L3MBTL4: variants seen among roughly 807,000 people sequenced by gnomAD.
The protein encoded by L3MBTL4 is lethal(3)malignant brain tumor-like protein 4.
Under a neutral mutation model 84.5 loss-of-function variants are expected in L3MBTL4, and 70 were observed. That is an observed-to-expected ratio of 0.83 (90% CI 0.68 to 1.01). The LOEUF is 1.01. Among genes scored for constraint, L3MBTL4 ranks in the 50% least tolerant of loss-of-function variants. The pLI is 0.00. For missense variants in L3MBTL4, 715 were observed against 754.8 expected (o/e 0.95, Z 0.62); for synonymous variants, 274 against 259.8 (o/e 1.05, Z -0.52).
chr18:6,000,169 A>T (rs1041355330), intron 16 of L3MBTL4, among the ~76,000 whole-genome samples: 2 of 152,204 alleles, frequency 1.3e-5, no homozygotes, highest in African/African-American at 4.8e-5. Flanking sequence ...TGTGAATGAG[A>T]CCAGTAAAAT....
chr18:6,112,088 T>A (rs1458288617), intron 14 of L3MBTL4, among the ~76,000 whole-genome samples: 4 of 152,114 alleles, frequency 2.6e-5, no homozygotes, highest in Non-Finnish European at 5.9e-5. Context: ...CTAAATAAAT[T>A]TTATTAGGTG....
chr18:5,984,857 T>A (rs536927129), intron 16 of L3MBTL4, among the ~76,000 whole-genome samples: 18 of 152,250 alleles, frequency 1.2e-4, no homozygotes, highest in Non-Finnish European at 1.9e-4. Flanking sequence ...GAAGGGAAAA[T>A]TTTTATAGGT....
rs1017995737 is a variant in L3MBTL4 at position 6,238,807 on chromosome 18, G to C, written c.708-767C>G. 3.3e-5 allele frequency among the ~76,000 whole-genome samples: 5 copies of C among 152,016 alleles called. No homozygotes were observed. The East Asian group carries it at 9.7e-4, about 29-fold the overall frequency. Reference sequence around the variant, plus strand: ...TCAAAGGAGAAGACAGGGCCCATCAGGCACATAAAGAACCACTGCCTCAGG... The same window carrying C: ...TCAAAGGAGAAGACAGGGCCCATCACGCACATAAAGAACCACTGCCTCAGG... On this transcript the variant is annotated intron_variant, in intron 9 of 18. Transcript: ENST00000317931.
chr18:6,246,912 A>G (rs915551674), intron 5 of L3MBTL4, among the ~76,000 whole-genome samples: 1 of 152,192 alleles, frequency 6.6e-6, no homozygotes, highest in East Asian at 1.9e-4. Context: ...TAAAAAAAAA[A>G]AAATTATTCC....
intron 12 of L3MBTL4, among the ~76,000 whole-genome samples, chr18:6,195,405 C>T (rs2045330301): frequency 6.6e-6 from 1 of 152,178 alleles, no homozygotes; most frequent in African/African-American, 2.4e-5. Flanking sequence ...TGATTACTTG[C>T]CTGTAACTGC....
At chr18:6,287,121 A>G (rs2049629921) in intron 4 of L3MBTL4, among the ~76,000 whole-genome samples, 1 of 152,170 alleles carries the variant, frequency 6.6e-6, no homozygotes, top group Admixed American at 6.5e-5. Flanking sequence ...TGTATTTGGC[A>G]TTAAACTGAA....
chr18:6,408,923 C>G (rs987248739), intron 1 of L3MBTL4, among the ~76,000 whole-genome samples: 1 of 152,242 alleles, frequency 6.6e-6, no homozygotes, highest in South Asian at 2.1e-4. Context: ...GCAATCCACC[C>G]TCCTCGGCCT....
At chr18:6,208,954 TA>T (rs2045983689) in intron 12 of L3MBTL4, among the ~76,000 whole-genome samples, 1 of 152,164 alleles carries the variant, frequency 6.6e-6, no homozygotes, top group South Asian at 2.1e-4. Flanking sequence ...CTGACCTGAC[TA>T]GTTTAAGTGG....
At chr18:6,012,774 A>G (rs2054795931) in intron 16 of L3MBTL4, among the ~76,000 whole-genome samples, 1 of 152,168 alleles carries the variant, frequency 6.6e-6, no homozygotes, top group African/African-American at 2.4e-5. Context: ...CCCTGTCTCT[A>G]AGAAACAAAC....
intron 18 of L3MBTL4, among the ~76,000 whole-genome samples, chr18:5,957,354 T>C (rs1214868833): frequency 2.6e-5 from 4 of 152,230 alleles, no homozygotes; most frequent in Non-Finnish European, 5.9e-5. Context: ...TTATACACTT[T>C]GAATGTATTC....
chr18:5,988,555 C>G (rs1268094403), intron 16 of L3MBTL4, among the ~76,000 whole-genome samples: 2 of 151,966 alleles, frequency 1.3e-5, no homozygotes, highest in Non-Finnish European at 2.9e-5. Context: ...CTCTTTTTTT[C>G]TGTAGATAAG....
intron 12 of L3MBTL4, among the ~76,000 whole-genome samples, chr18:6,204,262 G>A (rs2045775050): frequency 6.6e-6 from 1 of 152,218 alleles, no homozygotes. Flanking sequence ...AAGAACTCAA[G>A]GACACACACA....
At chr18:6,073,461 G>A (rs917698434) in intron 16 of L3MBTL4, among the ~76,000 whole-genome samples, 40 of 151,916 alleles carry the variant, frequency 2.6e-4, no homozygotes, top group African/African-American at 9.7e-4. Flanking sequence ...TTTCCTGTCT[G>A]TGAATTCATC....
intron 4 of L3MBTL4, among the ~76,000 whole-genome samples, chr18:6,264,464 A>C (rs192441485): frequency 6.6e-6 from 1 of 152,270 alleles, no homozygotes; most frequent in African/African-American, 2.4e-5. Flanking sequence ...GTGGAAAGCT[A>C]ATGTGGCAGT....
chr18:6,337,275 C>T (rs1458667403), intron 1 of L3MBTL4, among the ~76,000 whole-genome samples: 1 of 152,100 alleles, frequency 6.6e-6, no homozygotes, highest in South Asian at 2.1e-4. Context: ...AAACAATAGA[C>T]TCTCACCAAC....
At chr18:6,377,404 T>C (rs1038427604) in intron 1 of L3MBTL4, among the ~76,000 whole-genome samples, 2 of 152,134 alleles carry the variant, frequency 1.3e-5, no homozygotes, top group Non-Finnish European at 2.9e-5. Context: ...ACACGTGCCA[T>C]GGTGGTTTGC....
At chr18:5,966,186 C>T (rs370381354) in intron 17 of L3MBTL4, among the ~76,000 whole-genome samples, 19 of 152,150 alleles carry the variant, frequency 1.2e-4, no homozygotes, top group African/African-American at 3.4e-4. Flanking sequence ...TTAAGTGCCA[C>T]GCTTGAAATC....
chr18:6,245,700 C>T (rs2047633826), intron 5 of L3MBTL4, among the ~76,000 whole-genome samples: 1 of 151,756 alleles, frequency 6.6e-6, no homozygotes. Flanking sequence ...AGCAATTCTC[C>T]TGCCTCAGCC....
intron 16 of L3MBTL4, among the ~76,000 whole-genome samples, chr18:5,973,742 G>A (rs150119676): frequency 1.3e-5 from 2 of 152,254 alleles, no homozygotes; most frequent in African/African-American, 4.8e-5. Flanking sequence ...TTGCCACAAT[G>A]ACAGGGCAGA....
Sources: gnomAD v4.1 joint callset for allele counts (sites outside exome capture counted in the v4.1 genomes callset) on GRCh38, gnomAD v4.1.1 for gene constraint, MANE v1.5 for transcripts, NCBI Gene and HGNC (gene_info 2026-07-23, HGNC 2026-07-21) for gene names.